The following ANKIB1 variants were observed in gnomAD, a reference collection of about 807,000 sequenced individuals.
ANKIB1 encodes the protein ankyrin repeat and IBR domain-containing protein 1.
In ANKIB1, 43 loss-of-function variants were observed where a neutral mutation model predicts 122.1. The observed-to-expected ratio is 0.35, with a 90% CI of 0.28 to 0.45. The LOEUF (loss-of-function observed/expected upper bound fraction) is 0.45. ANKIB1 is among the 20% of genes least tolerant of loss of function. The pLI is 1.00. For synonymous variants in ANKIB1, 390 were observed against 442.0 expected (o/e 0.88, Z 1.48); for missense variants, 992 against 1,329.5 (o/e 0.75, Z 3.95).
intron 3 of ANKIB1, 147 bp from the exon 4 acceptor site, chr7:92,319,182 CT>C (rs1292818656): frequency 9.1e-3 from 3,265 of 359,376 alleles, no homozygotes; most frequent in East Asian, 0.011. Context: ...ATCTAAATAC[CT>C]TTTTTTTTTG....
chr7:92,246,639 G>A, intron 1 of ANKIB1, 120 bp downstream of exon 1: 1 of 453,158 alleles, frequency 2.2e-6, no homozygotes, highest in South Asian at 1.6e-5. Context: ...TCTGTCGCCT[G>A]TTTTGGAGCA....
chr7:92,291,986 T>C (rs1402437611), intron 1 of ANKIB1, among the ~76,000 whole-genome samples: 3 of 152,196 alleles, frequency 2.0e-5, no homozygotes, highest in Non-Finnish European at 4.4e-5. Context: ...AAGCCCAAAA[T>C]AAGGAATTCT....
At chr7:92,315,017 G>GT (rs1044526108) in intron 3 of ANKIB1, among the ~76,000 whole-genome samples, 2 of 150,780 alleles carry the variant, frequency 1.3e-5, no homozygotes, top group African/African-American at 4.9e-5. Flanking sequence ...GGAAAGAAAG[G>GT]TTAAAAAAAA....
At chr7:92,295,278 A>G (rs1028963704) in intron 2 of ANKIB1, 112 bp downstream of exon 2, 14 of 697,962 alleles carry the variant, frequency 2.0e-5, no homozygotes, top group Middle Eastern at 4.2e-4. Context: ...ATATACAGAC[A>G]TGATATATAT....
chr7:92,351,199 T>G (rs1352615682), intron 8 of ANKIB1, 105 bp downstream of exon 8: 2 of 986,848 alleles, frequency 2.0e-6, no homozygotes, highest in Non-Finnish European at 2.7e-6. Context: ...AACAAAATAA[T>G]GGCTCTTTTG....
At position 92,284,581 on chromosome 7, in the gene ANKIB1, G is replaced by A. The variant is rs1216931948; in HGVS notation, c.-90-10308G>A. Among the ~76,000 whole-genome samples, 17 of 152,144 alleles carry A rather than the reference G, an allele frequency of 1.1e-4. 1 individual carries two copies. The highest frequency in any genetic ancestry group is 2.9e-5 in the Non-Finnish European group (2 of 68,018). On this transcript the variant is annotated intron_variant, in intron 1 of 19. Coordinates refer to ENST00000265742, the MANE Select transcript of ANKIB1 (RefSeq NM_019004.2). The stretch of plus-strand genomic sequence containing the variant: ...AATAAAAGGGGGAAATTAACATTAA[G>A]TCATTTTAATTTTTAAAAATTCATA...
intron 3 of ANKIB1, among the ~76,000 whole-genome samples, chr7:92,316,763 C>T (rs1487670083): frequency 1.3e-5 from 2 of 152,124 alleles, no homozygotes; most frequent in African/African-American, 4.8e-5. Flanking sequence ...GAATGAAGTC[C>T]ACATTCTGGC....
intron 4 of ANKIB1, among the ~76,000 whole-genome samples, chr7:92,327,234 AG>A (rs1175310125): frequency 1.3e-5 from 2 of 152,276 alleles, no homozygotes; most frequent in African/African-American, 4.8e-5. Flanking sequence ...CATGAGTCCC[AG>A]TATCTGCTTT....
At chr7:92,265,437 T>C (rs1335807725) in intron 1 of ANKIB1, among the ~76,000 whole-genome samples, 1 of 152,146 alleles carries the variant, frequency 6.6e-6, no homozygotes, top group African/African-American at 2.4e-5. Context: ...GATATATTCA[T>C]GGAGCAAAAA....
chr7:92,383,854 C>T (rs1804575162), intron 11 of ANKIB1, among the ~76,000 whole-genome samples: 1 of 152,158 alleles, frequency 6.6e-6, no homozygotes, highest in Middle Eastern at 3.2e-3. Context: ...CCTCTCTCAC[C>T]ACTCCTATTC....
At chr7:92,387,703 C>T (rs939768296) in intron 12 of ANKIB1, 95 bp from the exon 13 acceptor site, 1 of 807,706 alleles carries the variant, frequency 1.2e-6, no homozygotes, top group African/African-American at 1.7e-5. Context: ...GCACTACTAC[C>T]TATCACTAAT....
intron 1 of ANKIB1, among the ~76,000 whole-genome samples, chr7:92,251,647 A>G (rs371819294): frequency 4.6e-5 from 7 of 152,134 alleles, no homozygotes; most frequent in Non-Finnish European, 7.3e-5. Flanking sequence ...CTCCATACAT[A>G]CATACCTCCT....
chr7:92,380,835 A>G (rs913597527), intron 11 of ANKIB1, among the ~76,000 whole-genome samples: 1 of 152,248 alleles, frequency 6.6e-6, no homozygotes, highest in Non-Finnish European at 1.5e-5. Flanking sequence ...TCTAAAAACC[A>G]GAGCGCCCCA....
chr7:92,330,984 G>T (rs1803161091), intron 5 of ANKIB1, among the ~76,000 whole-genome samples: 1 of 152,060 alleles, frequency 6.6e-6, no homozygotes, highest in Admixed American at 6.5e-5. Context: ...GCACCAGAAG[G>T]TATACTCTGT....
At chr7:92,247,068 T>C (rs538227238) in intron 1 of ANKIB1, among the ~76,000 whole-genome samples, 1 of 152,312 alleles carries the variant, frequency 6.6e-6, no homozygotes, top group East Asian at 1.9e-4. Context: ...TACGTAGCTG[T>C]TTGAGTCGCA....
At chr7:92,396,727 C>T (rs1165617813) in intron 18 of ANKIB1, among the ~76,000 whole-genome samples, 1 of 152,170 alleles carries the variant, frequency 6.6e-6, no homozygotes, top group African/African-American at 2.4e-5. Context: ...CACAACCTCT[C>T]TAAGGTTGTT....
At chr7:92,276,603 GGTCCAGAAT>G (rs1253689137) in intron 1 of ANKIB1, among the ~76,000 whole-genome samples, 18 of 152,216 alleles carry the variant, frequency 1.2e-4, no homozygotes, top group African/African-American at 4.3e-4. Context: ...GCCCTTTAGA[GGTCCAGAAT>G]GTGGCCAGTT....
At chr7:92,388,213 T>C (rs1412248013) in intron 14 of ANKIB1, among the ~76,000 whole-genome samples, 172 bp downstream of exon 14, 3 of 152,210 alleles carry the variant, frequency 2.0e-5, no homozygotes, top group African/African-American at 7.2e-5. Context: ...GCCTCTGTGA[T>C]TGGATTTTCT....
At chr7:92,350,373 T>G (rs1050233530) in intron 7 of ANKIB1, among the ~76,000 whole-genome samples, 19 of 152,186 alleles carry the variant, frequency 1.2e-4, no homozygotes, top group African/African-American at 4.6e-4. Context: ...TTTTTCAGAT[T>G]GTTTCAGATT....
Sources: allele counts gnomAD v4.1 joint callset (sites outside exome capture counted in the v4.1 genomes callset), GRCh38; gene constraint gnomAD v4.1.1; transcripts MANE v1.5; gene names NCBI Gene and HGNC (gene_info 2026-07-23, HGNC 2026-07-21).